LMBRD1: variants seen among roughly 807,000 people sequenced by gnomAD.
The protein encoded by LMBRD1 is lysosomal cobalamin transport escort protein LMBD1.
Under a neutral mutation model 74.8 loss-of-function variants are expected in LMBRD1, and 64 were observed. The observed-to-expected ratio is 0.86, with a 90% CI of 0.70 to 1.05. The LOEUF (loss-of-function observed/expected upper bound fraction) is 1.05. Among genes scored for constraint, LMBRD1 ranks in the 50% least tolerant of loss-of-function variants. The pLI is 0.00. For synonymous variants in LMBRD1, 204 were observed against 216.3 expected (o/e 0.94, Z 0.50); for missense variants, 652 against 645.9 (o/e 1.01, Z -0.10).
At chr6:69,704,430 A>G (rs1048762408) in intron 9 of LMBRD1, among the ~76,000 whole-genome samples, 16 of 152,064 alleles carry the variant, frequency 1.1e-4, no homozygotes, top group Non-Finnish European at 1.9e-4. Context: ...CTTATATTTT[A>G]TTCAATTAGT....
intron 9 of LMBRD1, among the ~76,000 whole-genome samples, chr6:69,710,155 T>C (rs1366510133): frequency 1.3e-5 from 2 of 152,062 alleles, no homozygotes; most frequent in Admixed American, 6.6e-5. Flanking sequence ...CATAAAGACA[T>C]ATATAGATCA....
At chr6:69,693,607 T>C (rs555068856) in intron 14 of LMBRD1, among the ~76,000 whole-genome samples, 9 of 152,132 alleles carry the variant, frequency 5.9e-5, no homozygotes, top group Admixed American at 3.9e-4. Context: ...AATGGATACA[T>C]TGCAAAGGTG....
rs917237309 is a variant in LMBRD1, at chr6:69,796,971, G to A, written c.-90C>T. The A allele has an allele frequency of 2.7e-6, 3 of 1,127,534 alleles. No homozygotes were observed. Among genetic ancestry groups the A allele is most frequent in the Admixed American group, 1.9e-5 (1 of 51,370 alleles). 69.8% of individuals were successfully genotyped at this position (1,127,534 alleles called of 1,614,324 possible). ...AGAGCGCGAGATATACTGCACCCGC[G>A]CACCCTAAAGGTTAAAGGGGCGGAG... On this transcript the variant is annotated 5_prime_UTR_variant, in exon 1 of 16. Coordinates refer to ENST00000649934, the MANE Select transcript of LMBRD1 (RefSeq NM_018368.4).
intron 14 of LMBRD1, among the ~76,000 whole-genome samples, chr6:69,679,043 CA>C (rs34383421): frequency 5.2e-4 from 51 of 97,490 alleles, no homozygotes; most frequent in African/African-American, 7.1e-4. Flanking sequence ...CTGGTTAAAA[CA>C]AAAAAAAAAA....
At chr6:69,705,535 CT>C in intron 9 of LMBRD1, 5 of 1,287,102 alleles carry the variant, frequency 3.9e-6, no homozygotes, top group Non-Finnish European at 5.5e-6. Context: ...GGTTTTGAGT[CT>C]TTTCCATTCT....
Position 69,752,322 on chromosome 6 carries a change from G to T in LMBRD1, c.342C>A (p.Phe114Leu). The T allele has an allele frequency of 1.2e-6, 2 of 1,610,378 alleles. No homozygotes were observed. Among genetic ancestry groups the T allele is most frequent in the South Asian group, 2.2e-5 (2 of 91,006 alleles). The change falls in exon 4 of 16, where the codon TTC becomes TTA. Residue 114 changes from phenylalanine to leucine, a missense_variant. Coordinates refer to ENST00000649934, the MANE Select transcript of LMBRD1 (RefSeq NM_018368.4). Reference sequence around the variant, plus strand: ...AATAGAAGTAGACAAAAGGGATCCAGAAGAACACACAGAACAATATAACAG... The same window carrying T: ...AATAGAAGTAGACAAAAGGGATCCATAAGAACACACAGAACAATATAACAG... ...LYSVILFCVFFWIPFVYFYYE... is the reference protein window; with the variant it reads ...LYSVILFCVFLWIPFVYFYYE...
At chr6:69,775,018 G>C (rs550553571) in intron 3 of LMBRD1, among the ~76,000 whole-genome samples, 3,116 of 94,164 alleles carry the variant, frequency 0.033, 374 homozygotes, top group African/African-American at 0.17. Flanking sequence ...AGGGAGGGAG[G>C]GAGGGAGGGA....
At chr6:69,765,753 A>T (rs1345479055) in intron 3 of LMBRD1, among the ~76,000 whole-genome samples, 1 of 152,148 alleles carries the variant, frequency 6.6e-6, no homozygotes, top group Non-Finnish European at 1.5e-5. Flanking sequence ...TTTCAACCCC[A>T]TAATATGGAA....
intron 1 of LMBRD1, among the ~76,000 whole-genome samples, chr6:69,796,465 A>C (rs1456321274): frequency 6.6e-6 from 1 of 152,212 alleles, no homozygotes; most frequent in Non-Finnish European, 1.5e-5. Flanking sequence ...ACAATGTTTT[A>C]CAGGGGACGA....
chr6:69,769,773 A>G (rs1335944273), intron 3 of LMBRD1, among the ~76,000 whole-genome samples: 2 of 151,778 alleles, frequency 1.3e-5, no homozygotes, highest in Non-Finnish European at 2.9e-5. Flanking sequence ...TCCCAGCTCA[A>G]AAAAATATAT....
intron 2 of LMBRD1, among the ~76,000 whole-genome samples, chr6:69,787,634 T>C (rs996406395): frequency 1.3e-5 from 2 of 152,066 alleles, no homozygotes; most frequent in African/African-American, 4.8e-5. Context: ...TAATCCCAGA[T>C]ACTCAGGAAG....
At chr6:69,762,054 C>G (rs1435757817) in intron 3 of LMBRD1, among the ~76,000 whole-genome samples, 1 of 152,206 alleles carries the variant, frequency 6.6e-6, no homozygotes, top group East Asian at 1.9e-4. Context: ...AACAAATAGA[C>G]ACAGCCAGGT....
intron 6 of LMBRD1, among the ~76,000 whole-genome samples, chr6:69,738,320 C>T (rs1767019335): frequency 6.6e-6 from 1 of 151,988 alleles, no homozygotes; most frequent in African/African-American, 2.4e-5. Context: ...ATATCAGATG[C>T]TCAAAAGGTG....
At chr6:69,789,270 T>A (rs982459917) in intron 2 of LMBRD1, among the ~76,000 whole-genome samples, 1 of 152,204 alleles carries the variant, frequency 6.6e-6, no homozygotes, top group Non-Finnish European at 1.5e-5. Context: ...ATGCCTGCAA[T>A]CCCAGCACTT....
chr6:69,758,971 T>C (rs763758545), intron 3 of LMBRD1, among the ~76,000 whole-genome samples: 2 of 152,130 alleles, frequency 1.3e-5, no homozygotes, highest in African/African-American at 2.4e-5. Flanking sequence ...CCATCTGATA[T>C]GGTAACTATT....
In LMBRD1 at chr6:69,725,320, G is replaced by A. The variant is rs534371899; in HGVS notation, c.637-6239C>T. ...CTACAGATTCAATGCAATCCCTATC[G>A]AAATAGCAATGACAATCTTCACACA... On this transcript the variant is annotated intron_variant, in intron 7 of 15. Transcript: ENST00000649934. Among the ~76,000 whole-genome samples, 329 of 143,638 alleles carry A rather than the reference G, an allele frequency of 2.3e-3. 1 individual carries two copies. Among genetic ancestry groups the A allele is most frequent in the African/African-American group, 6.8e-3 (263 of 38,420 alleles). 94.2% of individuals were successfully genotyped at this position (143,638 alleles called of 152,430 possible).
At chr6:69,753,098 T>C (rs1765198241) in intron 3 of LMBRD1, among the ~76,000 whole-genome samples, 1 of 152,142 alleles carries the variant, frequency 6.6e-6, no homozygotes, top group African/African-American at 2.4e-5. Flanking sequence ...ATTTATCTGC[T>C]TTTTTTAAAA....
intron 2 of LMBRD1, among the ~76,000 whole-genome samples, chr6:69,789,475 C>T (rs528823021): frequency 1.1e-4 from 16 of 151,820 alleles, no homozygotes; most frequent in Admixed American, 3.3e-4. Context: ...TACAGTGAAC[C>T]AAGATCATGC....
At chr6:69,788,264 T>A (rs2149896825) in intron 2 of LMBRD1, among the ~76,000 whole-genome samples, 1 of 152,234 alleles carries the variant, frequency 6.6e-6, no homozygotes, top group African/African-American at 2.4e-5. Context: ...AAATCTCCGA[T>A]TCAAACAATA....
Sources: gnomAD v4.1 joint callset for allele counts (sites outside exome capture counted in the v4.1 genomes callset) on GRCh38, gnomAD v4.1.1 for gene constraint, MANE v1.5 for transcripts, NCBI Gene and HGNC (gene_info 2026-07-23, HGNC 2026-07-21) for gene names.